Variants in FOCAD observed in about 807,000 individuals in gnomAD.
FOCAD encodes focadhesin.
In FOCAD, 198 loss-of-function variants were observed where a neutral mutation model predicts 225.6. The observed-to-expected ratio is 0.88, with a 90% CI of 0.78 to 0.99. The LOEUF is 0.99. Among genes scored for constraint, FOCAD ranks in the 50% least tolerant of loss-of-function variants. The pLI is 0.00. For synonymous variants in FOCAD, 897 were observed against 755.0 expected, an observed-to-expected ratio of 1.19 and a Z score of -3.08; for missense variants, 2,713 against 2,123.6, an observed-to-expected ratio of 1.28 and a Z score of -5.46.
At chr9:20,726,109 A>G (rs917510554) in intron 4 of FOCAD, among the ~76,000 whole-genome samples, 1 of 152,222 alleles carries the variant, frequency 6.6e-6, no homozygotes, top group Admixed American at 6.5e-5. Flanking sequence ...TGAAAGATAT[A>G]TAGCAGCATA....
At chr9:20,721,122 ACC>A (rs1825736589) in intron 4 of FOCAD, among the ~76,000 whole-genome samples, 1 of 152,190 alleles carries the variant, frequency 6.6e-6, no homozygotes, top group African/African-American at 2.4e-5. Flanking sequence ...GTCAAACAGG[ACC>A]ATGTTTGAAC....
At chr9:20,660,568 C>A (rs975523800) in intron 2 of FOCAD, among the ~76,000 whole-genome samples, 1 of 151,970 alleles carries the variant, frequency 6.6e-6, no homozygotes, top group African/African-American at 2.4e-5. Context: ...ATTTCAATAC[C>A]AATATGTAGA....
At chr9:20,789,698 A>G in intron 11 of FOCAD, 90 bp downstream of exon 11, 1 of 1,491,280 alleles carries the variant, frequency 6.7e-7, no homozygotes, top group South Asian at 1.3e-5. Flanking sequence ...TATTTGCATC[A>G]GAGTTTTAAA....
chr9:20,933,205 T>C (rs946065411), intron 28 of FOCAD, 102 bp downstream of exon 28: 2 of 814,522 alleles, frequency 2.5e-6, no homozygotes, highest in African/African-American at 3.5e-5. Context: ...TTTTTATTTT[T>C]TATTTCCATA....
intron 21 of FOCAD, among the ~76,000 whole-genome samples, chr9:20,891,719 C>T (rs779179386): frequency 4.6e-5 from 7 of 152,244 alleles, no homozygotes; most frequent in Non-Finnish European, 8.8e-5. Flanking sequence ...TTTCACAACA[C>T]CAAAGTGCAA....
chr9:20,889,637 T>C (rs1156961818), intron 21 of FOCAD, among the ~76,000 whole-genome samples: 1 of 152,214 alleles, frequency 6.6e-6, no homozygotes, highest in Non-Finnish European at 1.5e-5. Context: ...CATAGCTGAA[T>C]AACTTTCGCT....
chr9:20,819,741 T>C (rs376595529), intron 11 of FOCAD, 55 bp from the exon 12 acceptor site: 2 of 895,392 alleles, frequency 2.2e-6, no homozygotes, highest in South Asian at 2.0e-5. Flanking sequence ...TATTCCATTA[T>C]ATATTACTTT....
intron 23 of FOCAD, among the ~76,000 whole-genome samples, chr9:20,915,760 G>A (rs1833817340): frequency 6.6e-6 from 1 of 152,120 alleles, no homozygotes; most frequent in Non-Finnish European, 1.5e-5. Flanking sequence ...AATAATACAA[G>A]TAGAGATGGA....
intron 15 of FOCAD, among the ~76,000 whole-genome samples, chr9:20,845,021 G>A (rs1409432569): frequency 6.6e-6 from 1 of 151,698 alleles, no homozygotes; most frequent in African/African-American, 2.4e-5. Context: ...GATTTCTTTC[G>A]TAATCTCTAG....
intron 39 of FOCAD, 23 bp downstream of exon 39, chr9:20,982,469 C>CT: frequency 6.4e-7 from 1 of 1,566,488 alleles, no homozygotes; most frequent in Non-Finnish European, 8.8e-7. Flanking sequence ...CTTTCTATAC[C>CT]TTTTTTCATT....
intron 5 of FOCAD, among the ~76,000 whole-genome samples, chr9:20,740,693 G>C (rs752257357): frequency 1.3e-5 from 2 of 152,164 alleles, no homozygotes; most frequent in Non-Finnish European, 2.9e-5. Context: ...GGGGATTTAG[G>C]TTAGGCAGGA....
At chr9:20,753,892 G>A (rs185235254) in intron 5 of FOCAD, among the ~76,000 whole-genome samples, 2 of 151,860 alleles carry the variant, frequency 1.3e-5, no homozygotes, top group East Asian at 3.8e-4. Context: ...ACAAGTGATC[G>A]GGCTGATTCA....
chr9:20,966,941 A>G (rs936806244), intron 35 of FOCAD, among the ~76,000 whole-genome samples: 4 of 152,074 alleles, frequency 2.6e-5, no homozygotes, highest in Non-Finnish European at 4.4e-5. Flanking sequence ...GCTGTATAGT[A>G]AGATTAGTGT....
intron 11 of FOCAD, among the ~76,000 whole-genome samples, chr9:20,813,865 C>T (rs1324786849): frequency 6.6e-6 from 1 of 151,906 alleles, no homozygotes; most frequent in Non-Finnish European, 1.5e-5. Context: ...TTCCATTTTC[C>T]CCTTTGGTTC....
chr9:20,906,384 G>A (rs1185769852), intron 21 of FOCAD, among the ~76,000 whole-genome samples: 3 of 151,244 alleles, frequency 2.0e-5, no homozygotes, highest in Non-Finnish European at 4.4e-5. Context: ...TTTGACTTTC[G>A]ATGTGTTACA....
At chr9:20,983,744 A>C (rs535124231) in intron 39 of FOCAD, among the ~76,000 whole-genome samples, 2 of 152,262 alleles carry the variant, frequency 1.3e-5, no homozygotes, top group South Asian at 4.2e-4. Flanking sequence ...GTTAAGCTTC[A>C]TAAGCTCTCT....
intron 35 of FOCAD, among the ~76,000 whole-genome samples, chr9:20,971,155 C>CA (rs1217535301): frequency 6.6e-6 from 1 of 151,436 alleles, no homozygotes. Context: ...CACCAGAAGT[C>CA]AAAAAAAGGA....
intron 10 of FOCAD, among the ~76,000 whole-genome samples, chr9:20,788,374 G>A (rs1474001399): frequency 2.0e-5 from 3 of 152,118 alleles, no homozygotes; most frequent in African/African-American, 4.8e-5. Flanking sequence ...TCTAAAATTA[G>A]ATAGTGATGA....
At position 20,970,349 on chromosome 9, in the gene FOCAD, A is replaced by G. The variant is rs1009202806; in HGVS notation, c.4133-6071A>G. Among the ~76,000 whole-genome samples, 3 of 151,888 alleles carry G rather than the reference A, an allele frequency of 2.0e-5. 1 individual carries two copies. The highest frequency in any genetic ancestry group is 7.3e-5 in the African/African-American group (3 of 41,330). On this transcript the variant is annotated intron_variant, in intron 35 of 43. Coordinates refer to ENST00000338382, the MANE Select transcript of FOCAD (RefSeq NM_001375567.1). ...TGTTATGCCTACGTTGGTATGCTTG[A>G]TGTATCCTTAGGCTCATACTTTTCG... is the stretch of plus-strand genomic sequence containing the variant.
Sources: allele counts gnomAD v4.1 joint callset (sites outside exome capture counted in the v4.1 genomes callset), GRCh38; gene constraint gnomAD v4.1.1; transcripts MANE v1.5; gene names NCBI Gene and HGNC (gene_info 2026-07-23, HGNC 2026-07-21).